Variants in NEBL observed in about 807,000 individuals in gnomAD.
NEBL encodes LIM and SH3 protein 2.
In NEBL, 122 loss-of-function variants were observed where a neutral mutation model predicts 140.2. The observed-to-expected ratio is 0.87, with a 90% CI of 0.75 to 1.01. The LOEUF (loss-of-function observed/expected upper bound fraction) is 1.01. Ranked by LOEUF, NEBL falls within the 50% of genes least tolerant of loss-of-function variation. NEBL has a pLI of 0.00. For synonymous variants in NEBL, 436 were observed against 398.9 expected (o/e 1.09, Z -1.11); for missense variants, 1,365 against 1,231.3 (o/e 1.11, Z -1.62).
rs533853927 is a variant in NEBL, at chr10:20,869,452, C to T, written c.582+288G>A. ...TATATGGGACCATATGACTGATAAC[C>T]CTGACTTTCAGGCTGAGACATCTGA... On this transcript the variant is annotated intron_variant, in intron 6 of 27. Coordinates refer to ENST00000377122, the MANE Select transcript of NEBL (RefSeq NM_006393.3). Among the ~76,000 whole-genome samples, 13 of 152,158 alleles carry T rather than the reference C, an allele frequency of 8.5e-5. 1 individual carries two copies. The South Asian group carries it at 2.7e-3, about 32-fold the overall frequency.
intron 1 of NEBL, among the ~76,000 whole-genome samples, chr10:21,255,788 G>A (rs111402582): frequency 0.045 from 6,771 of 152,052 alleles, 362 homozygotes; most frequent in African/African-American, 0.13. Flanking sequence ...ACGAGGTCAG[G>A]AGATCGAGAC....
chr10:20,862,491 T>C (rs576968777), intron 7 of NEBL, among the ~76,000 whole-genome samples: 3 of 152,342 alleles, frequency 2.0e-5, no homozygotes, highest in South Asian at 2.1e-4. Flanking sequence ...GTGAGTCACA[T>C]CACTCACCTT....
At chr10:21,148,547 G>T (rs530395016) in intron 2 of NEBL, among the ~76,000 whole-genome samples, 8 of 151,864 alleles carry the variant, frequency 5.3e-5, no homozygotes, top group Admixed American at 2.6e-4. Flanking sequence ...TTGTTTTTTA[G>T]ACAGAGTCTC....
At chr10:20,859,975 G>C (rs1843507554) in intron 7 of NEBL, 149 bp from the exon 8 acceptor site, 1 of 504,544 alleles carries the variant, frequency 2.0e-6, no homozygotes, top group East Asian at 3.2e-5. Flanking sequence ...GCTTAATTAG[G>C]CACAAAAGTT....
At chr10:21,275,846 C>T (rs1171682684) in intron 1 of NEBL, among the ~76,000 whole-genome samples, 3 of 133,576 alleles carry the variant, frequency 2.2e-5, no homozygotes, top group African/African-American at 5.7e-5. Flanking sequence ...TTAGTAGAGA[C>T]GGGGTTTCTC....
chr10:20,952,715 G>C (rs1436212901), intron 4 of NEBL, among the ~76,000 whole-genome samples: 3 of 151,560 alleles, frequency 2.0e-5, no homozygotes, highest in Admixed American at 2.0e-4. Context: ...GGCCAGCCTG[G>C]TCAATATGGC....
chr10:20,817,736 T>C (rs767091097), intron 20 of NEBL, 44 bp from the exon 21 acceptor site: 5 of 1,416,716 alleles, frequency 3.5e-6, no homozygotes, highest in Non-Finnish European at 5.0e-6. Flanking sequence ...CACAATGGGC[T>C]CCACTGAAAT....
chr10:21,244,509 G>A (rs187377009), intron 3 of NEBL, among the ~76,000 whole-genome samples: 16 of 151,610 alleles, frequency 1.1e-4, no homozygotes, highest in African/African-American at 2.4e-4. Context: ...AGAATTAGCC[G>A]GGCATGGTGG....
intron 2 of NEBL, among the ~76,000 whole-genome samples, chr10:21,148,351 A>G (rs181499197): frequency 9.1e-4 from 139 of 152,242 alleles, no homozygotes; most frequent in African/African-American, 3.3e-3. Context: ...TCTTCTGTTA[A>G]AGTATGTGGA....
intron 2 of NEBL, chr10:21,029,153 C>T: frequency 7.5e-7 from 1 of 1,332,740 alleles, no homozygotes; most frequent in South Asian, 1.2e-5. Flanking sequence ...GGAGATGTTT[C>T]AACGATTTGA....
chr10:21,142,775 G>A (rs1365691667), intron 2 of NEBL, among the ~76,000 whole-genome samples: 1 of 152,074 alleles, frequency 6.6e-6, no homozygotes, highest in Non-Finnish European at 1.5e-5. Flanking sequence ...GCTATGAACT[G>A]CGCGTGTGAG....
chr10:21,223,995 C>T (rs553705414), intron 3 of NEBL, among the ~76,000 whole-genome samples: 25 of 152,220 alleles, frequency 1.6e-4, no homozygotes, highest in African/African-American at 5.3e-4. Context: ...CTCTTCACTT[C>T]GATAATGTTT....
intron 2 of NEBL, among the ~76,000 whole-genome samples, chr10:21,097,611 C>T (rs1208556653): frequency 6.6e-6 from 1 of 152,156 alleles, no homozygotes; most frequent in East Asian, 1.9e-4. Context: ...CTGGTTACAT[C>T]ATTACCCACA....
At chr10:21,008,894 A>C (rs2131734292) in intron 3 of NEBL, among the ~76,000 whole-genome samples, 1 of 151,842 alleles carries the variant, frequency 6.6e-6, no homozygotes, top group African/African-American at 2.4e-5. Flanking sequence ...ATGTATGTAT[A>C]TTATATGTAT....
intron 3 of NEBL, among the ~76,000 whole-genome samples, chr10:21,214,473 A>T (rs1157125558): frequency 3.3e-5 from 5 of 151,492 alleles, no homozygotes. Flanking sequence ...TGGCACACAC[A>T]TGCACACACA....
chr10:21,068,468 A>G (rs56408946), intron 2 of NEBL, among the ~76,000 whole-genome samples: 27,410 of 152,124 alleles, frequency 0.18, 2,661 homozygotes, highest in East Asian at 0.33. Flanking sequence ...GGAGCTTTCA[A>G]TCAAACTATG....
chr10:21,138,606 T>C (rs189855311), intron 2 of NEBL, among the ~76,000 whole-genome samples: 6 of 152,174 alleles, frequency 3.9e-5, no homozygotes, highest in Admixed American at 6.5e-5. Context: ...ATAATAAACA[T>C]TATTTTAAAA....
intron 2 of NEBL, among the ~76,000 whole-genome samples, chr10:21,106,655 T>A (rs1837731496): frequency 6.6e-6 from 1 of 152,184 alleles, no homozygotes; most frequent in Non-Finnish European, 1.5e-5. Flanking sequence ...CTTAGGATTA[T>A]CTTGGCTATG....
At chr10:20,905,984 C>T (rs1054360229) in intron 4 of NEBL, among the ~76,000 whole-genome samples, 1 of 152,136 alleles carries the variant, frequency 6.6e-6, no homozygotes, top group Non-Finnish European at 1.5e-5. Flanking sequence ...CCTTTATGTG[C>T]CTTGAACATA....
Sources: gnomAD v4.1 joint callset for allele counts (sites outside exome capture counted in the v4.1 genomes callset) on GRCh38, gnomAD v4.1.1 for gene constraint, MANE v1.5 for transcripts, NCBI Gene and HGNC (gene_info 2026-07-23, HGNC 2026-07-21) for gene names.